CNTN5: variants seen among roughly 807,000 people sequenced by gnomAD.
CNTN5 encodes the protein contactin 5.
Under a neutral mutation model 129.1 loss-of-function variants are expected in CNTN5, and 77 were observed. The ratio of observed to expected loss-of-function variants is 0.60; its 90% CI spans 0.50 to 0.72. CNTN5 has a LOEUF of 0.72. CNTN5 is among the 30% of genes least tolerant of loss of function. The pLI, the probability that CNTN5 is intolerant of heterozygous loss-of-function variation, is 0.00. For synonymous variants in CNTN5, 509 were observed against 465.6 expected (o/e 1.09, Z -1.20); for missense variants, 1,478 against 1,328.8 (o/e 1.11, Z -1.75).
intron 18 of CNTN5, among the ~76,000 whole-genome samples, chr11:100,282,091 G>A (rs527430213): frequency 1.6e-4 from 24 of 151,312 alleles, no homozygotes; most frequent in East Asian, 7.8e-4. Flanking sequence ...ATTGGTCCCC[G>A]GTGGCATATT....
chr11:99,848,964 C>T (rs1947788303), intron 6 of CNTN5, among the ~76,000 whole-genome samples: 1 of 152,120 alleles, frequency 6.6e-6, no homozygotes, highest in Admixed American at 6.6e-5. Context: ...CTTTCTAAAT[C>T]TTCACCTTTT....
At position 99,188,129 on chromosome 11, in the gene CNTN5, G is replaced by A. The variant is rs61893061; in HGVS notation, c.-209-137217G>A. ...GTATTAAAAATTATTCTTTTTATAG[G>A]TGATTAGTTATATATCATACAGGCA... On this transcript the variant is annotated intron_variant, in intron 1 of 24. Transcript: ENST00000524871. Among the ~76,000 whole-genome samples, 1,369 of 151,722 alleles carry A rather than the reference G, an allele frequency of 9.0e-3. 17 individuals carry two copies. Among genetic ancestry groups the A allele is most frequent in the Middle Eastern group, 0.017 (5 of 292 alleles).
chr11:100,314,774 C>A (rs544006991), intron 21 of CNTN5, among the ~76,000 whole-genome samples: 1 of 152,126 alleles, frequency 6.6e-6, no homozygotes, highest in African/African-American at 2.4e-5. Flanking sequence ...TCATTAGGCT[C>A]TCCCTTCCCA....
In CNTN5 at chr11:99,950,881, G is replaced by C. The variant is rs535627826; in HGVS notation, c.674-5925G>C. Among the ~76,000 whole-genome samples, 14 of 152,258 alleles carry C rather than the reference G, an allele frequency of 9.2e-5. No individual in the cohort carries two copies. The East Asian group carries it at 2.7e-3, about 29-fold the overall frequency. ...AATATAATGATAAAATATAGGCTTA[G>C]AGTGAGAAGAGAAGTTTTAATTTTC... On this transcript the variant is annotated intron_variant, in intron 7 of 24. Coordinates refer to ENST00000524871, the MANE Select transcript of CNTN5 (RefSeq NM_014361.4).
At position 99,647,731 on chromosome 11, in the gene CNTN5, A is replaced by AT. The variant is rs981156611; in HGVS notation, c.55+91472dup. Among the ~76,000 whole-genome samples, 496 of 145,584 alleles carry AT rather than the reference A, an allele frequency of 3.4e-3. 6 individuals are homozygous for AT. Among genetic ancestry groups the AT allele is most frequent in the African/African-American group, 0.011 (431 of 39,916 alleles). On this transcript the variant is annotated intron_variant, in intron 3 of 24. Coordinates refer to ENST00000524871, the MANE Select transcript of CNTN5 (RefSeq NM_014361.4). ...ATTTCTTTCATCAGTTTGTTATACT[A>AT]TTTTTTTTTTGGAGGGACCTTTTAC...
chr11:99,690,732 G>A (rs984807783), intron 3 of CNTN5, among the ~76,000 whole-genome samples: 2 of 151,916 alleles, frequency 1.3e-5, no homozygotes, highest in African/African-American at 2.4e-5. Context: ...ATTCTTTTAT[G>A]TCTCTGCCAG....
At chr11:99,602,600 G>C (rs1950348342) in intron 3 of CNTN5, among the ~76,000 whole-genome samples, 1 of 151,988 alleles carries the variant, frequency 6.6e-6, no homozygotes. Context: ...AACAACACAT[G>C]GTTTGGCTCC....
intron 9 of CNTN5, among the ~76,000 whole-genome samples, chr11:100,050,158 A>G (rs1209245567): frequency 1.3e-5 from 2 of 152,310 alleles, no homozygotes; most frequent in African/African-American, 2.4e-5. Flanking sequence ...TCATGCTGCT[A>G]TAAAGACACA....
At chr11:99,581,386 T>G (rs1265444290) in intron 3 of CNTN5, among the ~76,000 whole-genome samples, 9 of 149,078 alleles carry the variant, frequency 6.0e-5, no homozygotes, top group African/African-American at 2.3e-4. Context: ...CTGGGTATCC[T>G]TGTTAACTTT....
At chr11:100,318,097 C>T (rs34662386) in intron 21 of CNTN5, among the ~76,000 whole-genome samples, 1,620 of 151,810 alleles carry the variant, frequency 0.011, 22 homozygotes, top group African/African-American at 0.037. Flanking sequence ...AAAAATTAGC[C>T]GGGCGCGGTG....
intron 1 of CNTN5, among the ~76,000 whole-genome samples, chr11:99,195,573 G>A (rs944756109): frequency 1.3e-5 from 2 of 151,834 alleles, no homozygotes; most frequent in African/African-American, 4.8e-5. Context: ...TCTAGTAAGG[G>A]TTGAAATTCT....
At chr11:100,252,222 T>G (rs2138714809) in intron 16 of CNTN5, among the ~76,000 whole-genome samples, 1 of 152,296 alleles carries the variant, frequency 6.6e-6, no homozygotes, top group South Asian at 2.1e-4. Context: ...CTTCTTTTGA[T>G]AAATGTCTTT....
intron 8 of CNTN5, among the ~76,000 whole-genome samples, chr11:100,001,769 C>T (rs1939889742): frequency 6.6e-6 from 1 of 152,024 alleles, no homozygotes; most frequent in Admixed American, 6.6e-5. Context: ...AGTAACTGTA[C>T]TACTAATGTT....
intron 6 of CNTN5, among the ~76,000 whole-genome samples, chr11:99,909,925 A>C (rs933507225): frequency 1.3e-5 from 2 of 152,044 alleles, no homozygotes; most frequent in Non-Finnish European, 2.9e-5. Flanking sequence ...ACAAACCTGC[A>C]CGTTGTGCAC....
chr11:99,200,214 G>GT, intron 1 of CNTN5, among the ~76,000 whole-genome samples: 1 of 152,042 alleles, frequency 6.6e-6, no homozygotes, highest in African/African-American at 2.4e-5. Context: ...CTGATTTTGA[G>GT]TATTATGGCA....
chr11:99,381,784 A>G (rs990064067), intron 2 of CNTN5, among the ~76,000 whole-genome samples: 5 of 152,156 alleles, frequency 3.3e-5, no homozygotes, highest in Non-Finnish European at 7.4e-5. Context: ...GCTTTAGGGC[A>G]GTGGTTCTCA....
At chr11:99,430,636 G>C (rs1255444378) in intron 2 of CNTN5, among the ~76,000 whole-genome samples, 1 of 151,890 alleles carries the variant, frequency 6.6e-6, no homozygotes, top group Admixed American at 6.6e-5. Flanking sequence ...CATGGAGAGA[G>C]AGCAAGAGAG....
intron 2 of CNTN5, among the ~76,000 whole-genome samples, chr11:99,423,479 C>A (rs2135065362): frequency 6.6e-6 from 1 of 152,276 alleles, no homozygotes; most frequent in Admixed American, 6.5e-5. Flanking sequence ...ATATACATTT[C>A]AAAGAAACAG....
At chr11:99,881,129 A>G (rs1021414570) in intron 6 of CNTN5, among the ~76,000 whole-genome samples, 2 of 152,162 alleles carry the variant, frequency 1.3e-5, no homozygotes, top group Non-Finnish European at 2.9e-5. Context: ...TAATAGAGGT[A>G]TGTTTCTGGA....
Sources: gnomAD v4.1 joint callset for allele counts (sites outside exome capture counted in the v4.1 genomes callset) on GRCh38, gnomAD v4.1.1 for gene constraint, MANE v1.5 for transcripts, NCBI Gene and HGNC (gene_info 2026-07-23, HGNC 2026-07-21) for gene names.